Variants in TULP4 observed in about 807,000 individuals in gnomAD.
TULP4 encodes tubby-related protein 4.
TULP4 carries 16 observed loss-of-function variants against 129.0 expected under a neutral mutation model. The ratio of observed to expected loss-of-function variants is 0.12; its 90% CI spans 0.08 to 0.19. TULP4 has a LOEUF of 0.19. TULP4 is among the 10% of genes least tolerant of loss of function. The probability of loss-of-function intolerance (pLI) is 1.00; values close to 1 mark genes in which losing one functional copy is unlikely to be tolerated. For synonymous variants in TULP4, 998 were observed against 854.0 expected, an observed-to-expected ratio of 1.17 and a Z score of -2.94; for missense variants, 1,842 against 2,059.1, an observed-to-expected ratio of 0.89 and a Z score of 2.04.
chr6:158,243,204 C>T (rs1311295213), intron 1 of TULP4, among the ~76,000 whole-genome samples: 3 of 152,120 alleles, frequency 2.0e-5, no homozygotes, highest in Non-Finnish European at 1.5e-5. Context: ...ATACCTCTCA[C>T]GTCCCTCCAC....
In TULP4 at chr6:158,454,024, C is replaced by CT. The variant is rs902404558; in HGVS notation, c.859+1756_859+1757insT. Reference sequence around the variant, plus strand: ...GAATCATACCTGCCTCTGCACCGCCCCCCCCCAAGTAATTACTCTATTTTT... The same window carrying CT: ...GAATCATACCTGCCTCTGCACCGCCCTCCCCCCAAGTAATTACTCTATTTTT... On this transcript the variant is annotated intron_variant, in intron 5 of 13. Transcript: ENST00000367097. Among the ~76,000 whole-genome samples the CT allele has an allele frequency of 1.4e-5, 2 of 147,618 alleles. 1 individual carries two copies. Among genetic ancestry groups the CT allele is most frequent in the Non-Finnish European group, 3.0e-5 (2 of 66,862 alleles).
chr6:158,346,128 G>C (rs1246904004), intron 1 of TULP4, among the ~76,000 whole-genome samples: 3 of 152,064 alleles, frequency 2.0e-5, no homozygotes, highest in Admixed American at 6.6e-5. Context: ...CTGTTATTCT[G>C]TTCTTTTTCA....
intron 1 of TULP4, among the ~76,000 whole-genome samples, chr6:158,241,517 C>T (rs980556067): frequency 1.3e-5 from 2 of 151,776 alleles, no homozygotes; most frequent in Non-Finnish European, 2.9e-5. Flanking sequence ...CCAAGGCTGG[C>T]GGATCACTCG....
chr6:158,391,006 G>C (rs1777571603), intron 1 of TULP4, among the ~76,000 whole-genome samples: 1 of 152,104 alleles, frequency 6.6e-6, no homozygotes, highest in Admixed American at 6.5e-5. Context: ...GAGCCCAAGG[G>C]TTTGAGGCTG....
At chr6:158,309,963 A>C (rs965429279), upstream of TULP4, among the ~76,000 whole-genome samples, 1 of 147,412 alleles carries the variant, frequency 6.8e-6, no homozygotes. Context: ...TTTTATTTTC[A>C]ACAACAAATT....
At chr6:158,410,216 G>A (rs1227130559) in intron 1 of TULP4, among the ~76,000 whole-genome samples, 1 of 152,140 alleles carries the variant, frequency 6.6e-6, no homozygotes, top group African/African-American at 2.4e-5. Flanking sequence ...TCCAACAATG[G>A]CAACTGTGTT....
chr6:158,288,550 G>A (rs1228984942), intron 1 of TULP4, among the ~76,000 whole-genome samples: 1 of 151,880 alleles, frequency 6.6e-6, no homozygotes, highest in Non-Finnish European at 1.5e-5. Flanking sequence ...GCCCAGGCCG[G>A]AGTGCAGTGG....
intron 6 of TULP4, among the ~76,000 whole-genome samples, chr6:158,473,393 G>A (rs1335522562): frequency 6.6e-6 from 1 of 152,156 alleles, no homozygotes; most frequent in Non-Finnish European, 1.5e-5. Flanking sequence ...TTGGTTGACC[G>A]AACGCTGAAC....
chr6:158,365,238 A>T (rs561929354), intron 1 of TULP4, among the ~76,000 whole-genome samples: 1 of 151,726 alleles, frequency 6.6e-6, no homozygotes, highest in Admixed American at 6.6e-5. Flanking sequence ...TCATAGAGAG[A>T]AGTGTTTTAT....
chr6:158,330,287 G>A (rs967485683), intron 1 of TULP4, among the ~76,000 whole-genome samples: 3 of 152,222 alleles, frequency 2.0e-5, no homozygotes, highest in African/African-American at 7.2e-5. Context: ...CTGTGGCAGA[G>A]CTCCATGCTT....
intron 13 of TULP4, among the ~76,000 whole-genome samples, chr6:158,504,791 C>T (rs1258486527): frequency 6.6e-6 from 1 of 152,132 alleles, no homozygotes; most frequent in Non-Finnish European, 1.5e-5. Context: ...CGCACCTGGC[C>T]TGCAGTCATA....
intron 1 of TULP4, among the ~76,000 whole-genome samples, chr6:158,315,251 A>C (rs1193673231): frequency 6.6e-6 from 1 of 152,114 alleles, no homozygotes; most frequent in Non-Finnish European, 1.5e-5. Context: ...GGGAGGCTGA[A>C]AGTCTCAAGA....
chr6:158,354,018 G>C (rs1304129354), intron 1 of TULP4, among the ~76,000 whole-genome samples: 5 of 152,206 alleles, frequency 3.3e-5, no homozygotes, highest in African/African-American at 1.2e-4. Context: ...CAATTTTGTT[G>C]ACACAGGAGA....
intron 11 of TULP4, among the ~76,000 whole-genome samples, chr6:158,495,201 C>T (rs1349503327): frequency 3.3e-5 from 5 of 152,068 alleles, no homozygotes; most frequent in African/African-American, 1.2e-4. Context: ...TACAGGTTCG[C>T]GCCACCATGC....
chr6:158,294,582 C>T (rs1778997639), intron 1 of TULP4, among the ~76,000 whole-genome samples: 1 of 152,096 alleles, frequency 6.6e-6, no homozygotes, highest in Non-Finnish European at 1.5e-5. Flanking sequence ...CCATGGGTCC[C>T]TAAGGTAGCA....
rs369232657 is a variant in TULP4, at chr6:158,479,892, C to A, written c.1168C>A (p.Arg390Ser). Residue 390 changes from arginine (R) to serine (S), a missense_variant, in exon 7 of 14, where the codon CGT becomes AGT. Coordinates refer to ENST00000367097, the MANE Select transcript of TULP4 (RefSeq NM_020245.5). ...LCQQAIASTL[R>S]EDKDVSKLTL... is the part of the protein sequence containing the mutation. ...CCAGCAGGCCATCGCCAGCACCTTGCGTGAGGACAAGGACGTCAGCAAGCT... is the reference window on the plus strand; with the variant it reads ...CCAGCAGGCCATCGCCAGCACCTTGAGTGAGGACAAGGACGTCAGCAAGCT... 1 of 1,613,220 alleles carries A rather than the reference C, an allele frequency of 6.2e-7. No homozygotes were observed.
At chr6:158,434,845 A>C (rs1719433450) in intron 3 of TULP4, among the ~76,000 whole-genome samples, 1 of 152,222 alleles carries the variant, frequency 6.6e-6, no homozygotes, top group African/African-American at 2.4e-5. Flanking sequence ...GAAGAGCCCC[A>C]AACTTCAATT....
chr6:158,469,411 C>T (rs912925745), intron 6 of TULP4, among the ~76,000 whole-genome samples: 1 of 151,914 alleles, frequency 6.6e-6, no homozygotes, highest in Admixed American at 6.6e-5. Context: ...GTAGCTGGGA[C>T]TACAGGTGTG....
intron 1 of TULP4, among the ~76,000 whole-genome samples, chr6:158,371,189 A>G (rs864340): frequency 1 from 151,627 of 152,372 alleles, 75,447 homozygotes; most frequent in Middle Eastern, 1. Flanking sequence ...CTTTCCCACT[A>G]GACTTAAATG....
Sources: allele counts gnomAD v4.1 joint callset (sites outside exome capture counted in the v4.1 genomes callset), GRCh38; gene constraint gnomAD v4.1.1; transcripts MANE v1.5; gene names NCBI Gene and HGNC (gene_info 2026-07-23, HGNC 2026-07-21).